Variants in SLC13A1 observed in about 807,000 individuals in gnomAD.
SLC13A1 encodes the protein solute carrier family 13 member 1, also known as Na(+)/sulfate cotransporter.
A neutral mutation model predicts 70.0 loss-of-function variants in SLC13A1; 65 were observed. The observed-to-expected ratio is 0.93, with a 90% CI of 0.76 to 1.14. The LOEUF (loss-of-function observed/expected upper bound fraction) is 1.14, where lower values mean the gene tolerates loss of function less well. SLC13A1 is among the 50% of genes most tolerant of loss of function. The probability of loss-of-function intolerance (pLI) is 0.00; values close to 1 mark genes in which losing one functional copy is unlikely to be tolerated. For missense variants in SLC13A1, 726 were observed against 717.8 expected (o/e 1.01, Z -0.13); for synonymous variants, 275 against 250.5 (o/e 1.10, Z -0.92).
intron 14 of SLC13A1, among the ~76,000 whole-genome samples, chr7:123,116,299 G>A (rs1241162094): frequency 6.6e-6 from 1 of 152,116 alleles, no homozygotes; most frequent in African/African-American, 2.4e-5. Context: ...GCAAATTACT[G>A]CCCTTGATTT....
intron 8 of SLC13A1, 44 bp downstream of exon 8, chr7:123,134,366 C>T: frequency 6.3e-7 from 1 of 1,586,600 alleles, no homozygotes. Context: ...AACTGGGAAC[C>T]TAGACACCTT....
At chr7:123,190,081 A>ATT (rs1417889003) in intron 1 of SLC13A1, among the ~76,000 whole-genome samples, 5 of 152,058 alleles carry the variant, frequency 3.3e-5, no homozygotes, top group Non-Finnish European at 5.9e-5. Flanking sequence ...TTTATATTCT[A>ATT]TTTGATATTT....
At chr7:123,115,695 A>G in intron 14 of SLC13A1, 40 bp from the exon 15 acceptor site, 1 of 1,609,298 alleles carries the variant, frequency 6.2e-7, no homozygotes, top group Non-Finnish European at 8.5e-7. Flanking sequence ...GTCCCAGAAG[A>G]AAGCCTACAG....
chr7:123,122,122 A>T (rs1158323908), intron 12 of SLC13A1, among the ~76,000 whole-genome samples: 1 of 152,158 alleles, frequency 6.6e-6, no homozygotes, highest in East Asian at 1.9e-4. Context: ...TTTCAAAATC[A>T]CTTTGAGTGT....
intron 1 of SLC13A1, among the ~76,000 whole-genome samples, chr7:123,185,877 T>C (rs889042838): frequency 3.9e-5 from 6 of 152,084 alleles, no homozygotes; most frequent in Non-Finnish European, 8.8e-5. Flanking sequence ...CCTTTCTCAT[T>C]AGTATTTCCT....
intron 14 of SLC13A1, 60 bp downstream of exon 14, chr7:123,117,411 A>T: frequency 6.5e-7 from 1 of 1,537,228 alleles, no homozygotes; most frequent in Non-Finnish European, 8.9e-7. Flanking sequence ...AGATAATTCA[A>T]GACATGGCAC....
chr7:123,170,787 C>G (rs1300861943), intron 3 of SLC13A1, among the ~76,000 whole-genome samples: 1 of 152,040 alleles, frequency 6.6e-6, no homozygotes, highest in Non-Finnish European at 1.5e-5. Context: ...TGTCACCATA[C>G]CCGGCTAAAC....
At chr7:123,197,572 A>G (rs567935433) in intron 1 of SLC13A1, among the ~76,000 whole-genome samples, 24 of 152,234 alleles carry the variant, frequency 1.6e-4, no homozygotes, top group Admixed American at 1.3e-3. Flanking sequence ...TTAGCAGTTT[A>G]TTGAATGATT....
intron 6 of SLC13A1, among the ~76,000 whole-genome samples, chr7:123,167,452 A>G (rs1795113538): frequency 6.6e-6 from 1 of 152,172 alleles, no homozygotes; most frequent in Admixed American, 6.5e-5. Context: ...GATTTCTGTA[A>G]TTAACAAGAG....
chr7:123,147,252 G>C lies in SLC13A1; in HGVS notation c.719C>G (p.Thr240Arg), dbSNP rs10231144. ...AGAAGAGTAGGCAATGCACAAACAC[G>C]TAAGTTTACGTGTCACGTGGCCCTT... ...TKKGHVTRKLTCLCIAYSSTI... is the reference protein window; with the variant it reads ...TKKGHVTRKLRCLCIAYSSTI... The change falls in exon 7 of 15, where the codon ACG becomes AGG. Residue 240 changes from threonine to arginine, a missense_variant. Physicochemically the swap from Thr to Arg is moderately conservative, Grantham distance 71 (BLOSUM62 -1). Transcript: ENST00000194130. The C allele has an allele frequency of 1.2e-6, 2 of 1,613,608 alleles. No homozygotes were observed. Among genetic ancestry groups the C allele is most frequent in the Non-Finnish European group, 1.7e-6 (2 of 1,179,802 alleles).
intron 1 of SLC13A1, among the ~76,000 whole-genome samples, chr7:123,196,627 A>G (rs1166305654): frequency 6.6e-6 from 1 of 152,026 alleles, no homozygotes; most frequent in Non-Finnish European, 1.5e-5. Context: ...AGCAAATGAC[A>G]TCCTTATAGC....
chr7:123,133,594 A>G (rs1447303404), intron 8 of SLC13A1, among the ~76,000 whole-genome samples: 1 of 151,752 alleles, frequency 6.6e-6, no homozygotes, highest in East Asian at 1.9e-4. Context: ...CTGGAGTGCA[A>G]TGGCGAGATC....
At chr7:123,130,684 C>T (rs745414364) in intron 8 of SLC13A1, among the ~76,000 whole-genome samples, 1 of 152,040 alleles carries the variant, frequency 6.6e-6, no homozygotes, top group African/African-American at 2.4e-5. Flanking sequence ...ACATAACAAA[C>T]CTGCACATCC....
Position 123,170,331 on chromosome 7 carries a change from T to TA in SLC13A1, c.366-997dup, listed in dbSNP as rs200768575. 5.2e-4 allele frequency among the ~76,000 whole-genome samples: 79 copies of TA among 152,088 alleles called. No homozygotes were observed. In the East Asian group the frequency reaches 0.014, roughly 28 times the overall value. ...CTGCTTACGCAATAAATGGTTCTTC[T>TA]AAAAAAAAGAAAATTAAGAACTTTT... On this transcript the variant is annotated intron_variant, in intron 3 of 14. Coordinates refer to ENST00000194130, the MANE Select transcript of SLC13A1 (RefSeq NM_022444.4).
chr7:123,192,027 C>T (rs911699475), intron 1 of SLC13A1, among the ~76,000 whole-genome samples: 2 of 152,102 alleles, frequency 1.3e-5, no homozygotes, highest in Non-Finnish European at 2.9e-5. Context: ...ATAGAAACTT[C>T]TTTCTCTTTG....
intron 6 of SLC13A1, among the ~76,000 whole-genome samples, chr7:123,150,810 G>A (rs966330297): frequency 6.6e-6 from 1 of 152,012 alleles, no homozygotes; most frequent in African/African-American, 2.4e-5. Flanking sequence ...ATCTCTGCCT[G>A]TTTTTCTGTC....
rs201644707 is a variant in SLC13A1 at position 123,127,838 on chromosome 7, A to ATT, written c.1133+1005_1133+1006dup. On this transcript the variant is annotated intron_variant, in intron 10 of 14. Transcript: ENST00000194130. ...ATTTTGGTTTCTACCCCAAAATACA[A>ATT]TTTTTTTTTTTTTTTTTTTTTTTTT... Among the ~76,000 whole-genome samples, 125 of 106,768 alleles carry ATT rather than the reference A, an allele frequency of 1.2e-3. 2 individuals are homozygous for ATT. The highest frequency in any genetic ancestry group is 2.8e-3 in the African/African-American group (70 of 25,180). 70.0% of individuals were successfully genotyped at this position (106,768 alleles called of 152,430 possible). A position where few individuals can be genotyped will look rare whatever the true frequency, so the allele number is the denominator to read the frequency against.
In SLC13A1 at chr7:123,179,381, G is replaced by A. The variant is rs185920644; in HGVS notation, c.228+1592C>T. 3.0e-3 allele frequency among the ~76,000 whole-genome samples: 450 copies of A among 152,256 alleles called. 1 individual carries two copies. Among genetic ancestry groups the A allele is most frequent in the African/African-American group, 0.01 (417 of 41,552 alleles). On this transcript the variant is annotated intron_variant, in intron 2 of 14. Coordinates refer to ENST00000194130, the MANE Select transcript of SLC13A1 (RefSeq NM_022444.4). ...AAACACCTTCTGAATGATTTCATCC[G>A]TTAGAGATATTGGAGATATTGGATG...
In SLC13A1 at chr7:123,117,517, G is replaced by T. The variant is rs772211228; in HGVS notation, c.1604C>A (p.Pro535His). ...ACCATATGAAAAGACAATAGCATTGGGTGGATTTGCTACTGGTAGGAGGAA... is the reference window on the plus strand; with the variant it reads ...ACCATATGAAAAGACAATAGCATTGTGTGGATTTGCTACTGGTAGGAGGAA... The part of the protein sequence containing the change: ...FAFLLPVANP[P>H]NAIVFSYGHL... Residue 535 changes from proline to histidine, a missense_variant, in exon 14 of 15, where the codon CCC becomes CAC. Physicochemically the swap from Pro to His is moderately conservative, Grantham distance 77 (BLOSUM62 -2). Transcript: ENST00000194130. 35 of 1,613,138 alleles carry T rather than the reference G, an allele frequency of 2.2e-5. No individual in the cohort carries two copies. The highest frequency in any genetic ancestry group is 3.3e-5 in the Admixed American group (2 of 59,954).
Sources: gnomAD v4.1 joint callset for allele counts (sites outside exome capture counted in the v4.1 genomes callset) on GRCh38, gnomAD v4.1.1 for gene constraint, MANE v1.5 for transcripts, NCBI Gene and HGNC (gene_info 2026-07-23, HGNC 2026-07-21) for gene names.